ATP6V0A4: variants seen among roughly 807,000 people sequenced by gnomAD.
The protein encoded by ATP6V0A4 is ATPase H+ transporting V0 subunit a4.
Under a neutral mutation model 107.3 loss-of-function variants are expected in ATP6V0A4, and 86 were observed. That is an observed-to-expected ratio of 0.80 (90% CI 0.67 to 0.96). The LOEUF is 0.96. ATP6V0A4 is among the 40% of genes least tolerant of loss of function. The pLI is 0.00. For missense variants in ATP6V0A4, 908 were observed against 1,045.6 expected, an observed-to-expected ratio of 0.87 and a Z score of 1.81; for synonymous variants, 353 against 381.4, an observed-to-expected ratio of 0.93 and a Z score of 0.87.
intron 1 of ATP6V0A4, among the ~76,000 whole-genome samples, chr7:138,786,757 A>G (rs1169494788): frequency 6.6e-6 from 1 of 151,762 alleles, no homozygotes; most frequent in Admixed American, 6.6e-5. Flanking sequence ...GCCTCCCAAA[A>G]TGCTGGGATT....
In ATP6V0A4 at chr7:138,745,298, G is replaced by A; in HGVS notation, c.1321-18C>T. 1.2e-6 allele frequency: 2 copies of A among 1,613,788 alleles called. No homozygotes were observed. The highest frequency in any genetic ancestry group is 1.7e-6 in the Non-Finnish European group (2 of 1,179,950). ...TTCCAAATCTGGCCTCAGAGAGACAGAGAGGATGATTGTCAGTGGGCTCTG... is the reference window on the plus strand; with the variant it reads ...TTCCAAATCTGGCCTCAGAGAGACAAAGAGGATGATTGTCAGTGGGCTCTG... On this transcript the variant is annotated intron_variant, in intron 13 of 21. Transcript: ENST00000310018.
At chr7:138,768,136 G>T (rs1415891813) in intron 5 of ATP6V0A4, among the ~76,000 whole-genome samples, 1 of 152,116 alleles carries the variant, frequency 6.6e-6, no homozygotes, top group Admixed American at 6.5e-5. Context: ...GTTTCACCAT[G>T]TTGGCCAGGC....
At chr7:138,793,631 C>G (rs535749979) in intron 1 of ATP6V0A4, among the ~76,000 whole-genome samples, 1 of 152,264 alleles carries the variant, frequency 6.6e-6, no homozygotes, top group South Asian at 2.1e-4. Flanking sequence ...TGTCTTTTAA[C>G]TAACATCAAA....
intron 18 of ATP6V0A4, among the ~76,000 whole-genome samples, chr7:138,727,436 C>A (rs978276309): frequency 6.6e-6 from 1 of 152,230 alleles, no homozygotes; most frequent in African/African-American, 2.4e-5. Flanking sequence ...GTTAACCAAA[C>A]AATAACCAAG....
intron 1 of ATP6V0A4, among the ~76,000 whole-genome samples, chr7:138,792,766 G>GTTTTTTGTT (rs1808474812): frequency 1.0e-4 from 7 of 68,704 alleles, no homozygotes; most frequent in African/African-American, 2.6e-4. Flanking sequence ...ACTCAGGTTT[G>GTTTTTTGTT]TTTTTTTTTT....
At position 138,742,900 on chromosome 7, in the gene ATP6V0A4, CA is replaced by C. The variant is rs563017805; in HGVS notation, c.1478+2222del. 3.9e-4 allele frequency among the ~76,000 whole-genome samples: 52 copies of C among 131,646 alleles called. 1 individual carries two copies. The highest frequency in any genetic ancestry group is 2.0e-3 in the South Asian group (8 of 4,044). The allele number at this position is 131,646 out of a possible 152,430, so 86.4% of individuals were successfully genotyped here. A position where few individuals can be genotyped will look rare whatever the true frequency, so the allele number is the denominator to read the frequency against. On this transcript the variant is annotated intron_variant, in intron 14 of 21. Coordinates refer to ENST00000310018, the MANE Select transcript of ATP6V0A4 (RefSeq NM_020632.3). Reference sequence around the variant, plus strand: ...TCTCTTTAGAATACTAATTGCAAAGCAAAAAAAAAAAAAAATCACAGATATA... The same window carrying C: ...TCTCTTTAGAATACTAATTGCAAAGCAAAAAAAAAAAAAATCACAGATATA...
At chr7:138,747,343 G>A in intron 13 of ATP6V0A4, 82 bp downstream of exon 13, 1 of 1,506,572 alleles carries the variant, frequency 6.6e-7, no homozygotes, top group Admixed American at 1.7e-5. Flanking sequence ...TCATAAAAAT[G>A]TGTTATTTCT....
intron 2 of ATP6V0A4, among the ~76,000 whole-genome samples, chr7:138,778,430 A>T (rs1042238839): frequency 3.1e-4 from 2 of 6,398 alleles, no homozygotes; most frequent in Non-Finnish European, 0.036. Context: ...ATCTCATTTT[A>T]TATATATATA....
chr7:138,752,584 G>T, intron 11 of ATP6V0A4, 41 bp downstream of exon 11: 1 of 1,609,126 alleles, frequency 6.2e-7, no homozygotes, highest in Non-Finnish European at 8.5e-7. Flanking sequence ...CAGCAGAGGG[G>T]CTGACTCATC....
Position 138,798,129 on chromosome 7 carries a change from C to A in ATP6V0A4, c.-216G>T. ...CATGCAGCGCCTCCCCGCTGCCACC[C>A]GGGCCACCCTGATCCTCAGCCTGGC... On this transcript the variant is annotated 5_prime_UTR_variant, in exon 1 of 22. Transcript: ENST00000310018. 1 of 1,601,542 alleles carries A rather than the reference C, an allele frequency of 6.2e-7. No individual in the cohort carries two copies. The highest frequency in any genetic ancestry group is 1.3e-5 in the African/African-American group (1 of 74,822).
chr7:138,763,633 A>G lies in ATP6V0A4; in HGVS notation c.292-608T>C, dbSNP rs1806939991. On this transcript the variant is annotated intron_variant, in intron 5 of 21. Transcript: ENST00000310018. ...ACAGAGCAAGACTCCATTTCAAAAAAATAAATAAATAACAATAAAAATAAC... is the reference window on the plus strand; with the variant it reads ...ACAGAGCAAGACTCCATTTCAAAAAGATAAATAAATAACAATAAAAATAAC... 1.3e-5 allele frequency among the ~76,000 whole-genome samples: 2 copies of G among 152,006 alleles called. 1 individual carries two copies. The highest frequency in any genetic ancestry group is 4.2e-4 in the South Asian group (2 of 4,814).
intron 5 of ATP6V0A4, among the ~76,000 whole-genome samples, chr7:138,767,599 A>G (rs557788742): frequency 9.2e-5 from 14 of 151,744 alleles, no homozygotes; most frequent in Non-Finnish European, 1.8e-4. Flanking sequence ...ATCAAGATTT[A>G]TACTACTCAT....
chr7:138,740,127 A>G lies in ATP6V0A4; in HGVS notation c.1479-494T>C, dbSNP rs551555712. On this transcript the variant is annotated intron_variant, in intron 14 of 21. Transcript: ENST00000310018. ...AAAAAAAAAAAGGGAGAAGGGGGAGAGGGGACAGAAGGGGAAAGGGAAGGA... is the reference window on the plus strand; with the variant it reads ...AAAAAAAAAAAGGGAGAAGGGGGAGGGGGGACAGAAGGGGAAAGGGAAGGA... Among the ~76,000 whole-genome samples, 24 of 148,816 alleles carry G rather than the reference A, an allele frequency of 1.6e-4. No homozygotes were observed. In the East Asian group the frequency reaches 2.6e-3, roughly 16 times the overall value.
In ATP6V0A4 at chr7:138,777,635, C is replaced by T. The variant is rs1235333661; in HGVS notation, c.-17-6371G>A. Among the ~76,000 whole-genome samples the T allele has an allele frequency of 4.0e-3, 512 of 128,542 alleles. 2 individuals are homozygous for T. Among genetic ancestry groups the T allele is most frequent in the East Asian group, 0.038 (121 of 3,200 alleles). 84.3% of individuals were successfully genotyped at this position (128,542 alleles called of 152,430 possible). Reference sequence around the variant, plus strand: ...CGTCTCAAAAAAAAAAAAAAAAATACACACACACACACACACACACACACA... The same window carrying T: ...CGTCTCAAAAAAAAAAAAAAAAATATACACACACACACACACACACACACA... On this transcript the variant is annotated intron_variant, in intron 2 of 21. Coordinates refer to ENST00000310018, the MANE Select transcript of ATP6V0A4 (RefSeq NM_020632.3).
intron 18 of ATP6V0A4, among the ~76,000 whole-genome samples, chr7:138,725,187 G>A (rs1804645055): frequency 6.6e-6 from 1 of 152,144 alleles, no homozygotes; most frequent in Non-Finnish European, 1.5e-5. Flanking sequence ...TGGGAGGATT[G>A]CCTGAGCCCA....
chr7:138,755,536 T>A (rs1806466690), intron 10 of ATP6V0A4, among the ~76,000 whole-genome samples, 153 bp downstream of exon 10: 1 of 152,150 alleles, frequency 6.6e-6, no homozygotes, highest in South Asian at 2.1e-4. Flanking sequence ...GTTTCCCAAT[T>A]GTGAAATCTT....
intron 2 of ATP6V0A4, among the ~76,000 whole-genome samples, chr7:138,779,073 G>A (rs962579193): frequency 6.6e-6 from 1 of 152,306 alleles, no homozygotes; most frequent in Admixed American, 6.5e-5. Flanking sequence ...AGGAGCGATG[G>A]CTTGAGCCTA....
rs1045755781 is a variant in ATP6V0A4, at chr7:138,712,912, C to T, written c.2257+2852G>A. 1.1e-4 allele frequency among the ~76,000 whole-genome samples: 17 copies of T among 152,090 alleles called. 1 individual carries two copies. Among genetic ancestry groups the T allele is most frequent in the Admixed American group, 9.2e-4 (14 of 15,250 alleles). On this transcript the variant is annotated intron_variant, in intron 20 of 21. Transcript: ENST00000310018. ...ACCAACATTACCACCACTGACTGCACGAAGCGCTGAGATCCACTCTAAGGA... is the reference window on the plus strand; with the variant it reads ...ACCAACATTACCACCACTGACTGCATGAAGCGCTGAGATCCACTCTAAGGA...
intron 2 of ATP6V0A4, among the ~76,000 whole-genome samples, chr7:138,784,235 C>T (rs376571048): frequency 2.3e-4 from 21 of 91,016 alleles, no homozygotes; most frequent in African/African-American, 1.0e-3. Context: ...TATATATATA[C>T]GTATATATAT....
Sources: gnomAD v4.1 joint callset for allele counts (sites outside exome capture counted in the v4.1 genomes callset) on GRCh38, gnomAD v4.1.1 for gene constraint, MANE v1.5 for transcripts, NCBI Gene and HGNC (gene_info 2026-07-23, HGNC 2026-07-21) for gene names.